HDAC9: variants seen among roughly 807,000 people sequenced by gnomAD.
HDAC9 encodes MEF-2 interacting transcription repressor (MITR) protein.
Under a neutral mutation model 139.4 loss-of-function variants are expected in HDAC9, and 41 were observed. The observed-to-expected ratio is 0.29, with a 90% CI of 0.23 to 0.38. The LOEUF (loss-of-function observed/expected upper bound fraction) is 0.38, where lower values mean the gene tolerates loss of function less well. HDAC9 is among the 10% of genes least tolerant of loss of function. HDAC9 has a pLI of 1.00. For missense variants in HDAC9, 1,147 were observed against 1,297.0 expected (o/e 0.88, Z 1.78); for synonymous variants, 517 against 476.2 (o/e 1.09, Z -1.12).
intron 2 of HDAC9, among the ~76,000 whole-genome samples, chr7:18,533,329 G>T (rs1426903266): frequency 6.6e-6 from 1 of 152,040 alleles, no homozygotes; most frequent in Non-Finnish European, 1.5e-5. Flanking sequence ...TTCCTTTGCT[G>T]TTCTTTTGCG....
intron 25 of HDAC9, among the ~76,000 whole-genome samples, chr7:18,982,617 G>A (rs1014091276): frequency 2.0e-5 from 3 of 151,934 alleles, no homozygotes; most frequent in African/African-American, 7.3e-5. Context: ...CAAAAAGTTT[G>A]CTTCTGCCAC....
chr7:18,193,652 C>A (rs1035076552), intron 2 of HDAC9, among the ~76,000 whole-genome samples: 1 of 152,140 alleles, frequency 6.6e-6, no homozygotes, highest in Non-Finnish European at 1.5e-5. Context: ...ATAATATTTT[C>A]TCTATATTTG....
At chr7:18,407,128 G>C (rs919220382) in intron 1 of HDAC9, among the ~76,000 whole-genome samples, 4 of 152,076 alleles carry the variant, frequency 2.6e-5, no homozygotes, top group African/African-American at 7.2e-5. Flanking sequence ...GAAGTCTAAG[G>C]TCTGGTCCTT....
At chr7:18,499,170 C>G (rs1294356512) in intron 2 of HDAC9, among the ~76,000 whole-genome samples, 2 of 151,630 alleles carry the variant, frequency 1.3e-5, no homozygotes, top group African/African-American at 2.4e-5. Flanking sequence ...AACAGTGAAC[C>G]CCAATCGCAG....
chr7:18,457,496 T>G (rs1215332933), intron 1 of HDAC9, among the ~76,000 whole-genome samples: 1 of 152,232 alleles, frequency 6.6e-6, no homozygotes, highest in East Asian at 1.9e-4. Context: ...AAATATAGTT[T>G]TAAAAATAAT....
chr7:18,421,908 ATGGTGG>A (rs879314061), intron 1 of HDAC9, among the ~76,000 whole-genome samples: 20 of 152,206 alleles, frequency 1.3e-4, no homozygotes, highest in Non-Finnish European at 2.4e-4. Flanking sequence ...AGAAGGGATC[ATGGTGG>A]TGGTGACTCC....
At chr7:18,165,327 G>A (rs1411286009) in intron 2 of HDAC9, among the ~76,000 whole-genome samples, 1 of 152,094 alleles carries the variant, frequency 6.6e-6, no homozygotes, top group Non-Finnish European at 1.5e-5. Context: ...GCTATGACTT[G>A]GCAAAGTGTA....
chr7:18,377,841 ATTTTAT>A (rs1785112542), intron 1 of HDAC9, among the ~76,000 whole-genome samples: 1 of 152,138 alleles, frequency 6.6e-6, no homozygotes, highest in South Asian at 2.1e-4. Context: ...AAAGATAAGA[ATTTTAT>A]TTTTATTATT....
intron 15 of HDAC9, among the ~76,000 whole-genome samples, chr7:18,763,393 G>C (rs1299834076): frequency 2.0e-5 from 3 of 152,142 alleles, no homozygotes; most frequent in African/African-American, 7.2e-5. Context: ...GGTAGCAGTA[G>C]CTTGGGGAGA....
chr7:18,879,927 A>T (rs1004300715), intron 22 of HDAC9, among the ~76,000 whole-genome samples: 5 of 152,176 alleles, frequency 3.3e-5, no homozygotes, highest in African/African-American at 1.2e-4. Flanking sequence ...CAAAGGTCTA[A>T]TATTCAGCAT....
At chr7:18,101,082 T>G (rs1442745669) in intron 1 of HDAC9, among the ~76,000 whole-genome samples, 1 of 152,188 alleles carries the variant, frequency 6.6e-6, no homozygotes, top group Non-Finnish European at 1.5e-5. Context: ...AACTTTGGGT[T>G]GTTTTCTCAC....
intron 2 of HDAC9, among the ~76,000 whole-genome samples, chr7:18,498,445 C>G (rs542781299): frequency 6.6e-6 from 1 of 152,080 alleles, no homozygotes; most frequent in African/African-American, 2.4e-5. Flanking sequence ...TGCTGTAGGG[C>G]TAGGGAACAG....
chr7:18,261,888 T>A (rs1022778078), intron 2 of HDAC9, among the ~76,000 whole-genome samples: 6 of 152,142 alleles, frequency 3.9e-5, no homozygotes. Flanking sequence ...TAAATGAAAA[T>A]CTCTCTTTCA....
intron 2 of HDAC9, among the ~76,000 whole-genome samples, chr7:18,534,118 C>A (rs533953910): frequency 7.2e-5 from 11 of 152,230 alleles, no homozygotes; most frequent in Admixed American, 5.9e-4. Flanking sequence ...TGGGAGCCTT[C>A]ATATTTAAAA....
At chr7:18,365,628 A>T (rs1784120383) in intron 1 of HDAC9, among the ~76,000 whole-genome samples, 1 of 117,252 alleles carries the variant, frequency 8.5e-6, no homozygotes, top group Non-Finnish European at 1.8e-5. Context: ...TGACTTTTAT[A>T]GTCTTTATGA....
chr7:18,306,196 G>A lies in HDAC9; in HGVS notation c.-42+15681G>A, dbSNP rs190768812. Among the ~76,000 whole-genome samples, 620 of 152,314 alleles carry A rather than the reference G, an allele frequency of 4.1e-3. 3 individuals are homozygous for A. Among genetic ancestry groups the A allele is most frequent in the Admixed American group, 7.4e-3 (114 of 15,306 alleles). Reference sequence around the variant, plus strand: ...GTACAACAGGCACACAGGGTGAGGAGCTGGGGTATTTCAATACCAACTCCT... The same window carrying A: ...GTACAACAGGCACACAGGGTGAGGAACTGGGGTATTTCAATACCAACTCCT... On this transcript the variant is annotated intron_variant, in intron 1 of 3. Coordinates refer to the HDAC9 transcript ENST00000413509.
chr7:18,830,948 T>C (rs1443967889), intron 19 of HDAC9, among the ~76,000 whole-genome samples: 1 of 152,262 alleles, frequency 6.6e-6, no homozygotes, highest in Admixed American at 6.5e-5. Context: ...CTGCATAATT[T>C]GTAAGATATT....
chr7:18,768,516 G>C (rs1585003726), intron 16 of HDAC9, among the ~76,000 whole-genome samples: 1 of 152,142 alleles, frequency 6.6e-6, no homozygotes, highest in Non-Finnish European at 1.5e-5. Flanking sequence ...CCAACCTCCT[G>C]TGGAGCTGGG....
chr7:18,321,318 G>T (rs2128635720), intron 1 of HDAC9, among the ~76,000 whole-genome samples: 1 of 152,124 alleles, frequency 6.6e-6, no homozygotes. Context: ...TTCATCATTA[G>T]TTCATCTACC....
Sources: allele counts gnomAD v4.1 joint callset (sites outside exome capture counted in the v4.1 genomes callset), GRCh38; gene constraint gnomAD v4.1.1; transcripts MANE v1.5; gene names NCBI Gene and HGNC (gene_info 2026-07-23, HGNC 2026-07-21).